ATE1: variants seen among roughly 807,000 people sequenced by gnomAD.
The protein encoded by ATE1 is arginyltransferase 1.
Under a neutral mutation model 70.5 loss-of-function variants are expected in ATE1, and 36 were observed. The observed-to-expected ratio is 0.51, with a 90% confidence interval of 0.39 to 0.67. ATE1 has a LOEUF of 0.67. Among genes scored for constraint, ATE1 ranks in the 30% least tolerant of loss-of-function variants. ATE1 has a pLI of 0.00. For missense variants in ATE1, 593 were observed against 629.5 expected (o/e 0.94, Z 0.62); for synonymous variants, 232 against 219.3 (o/e 1.06, Z -0.51).
chr10:121,889,935 TTA>T (rs1950525405), intron 7 of ATE1, among the ~76,000 whole-genome samples: 1 of 152,224 alleles, frequency 6.6e-6, no homozygotes, highest in Non-Finnish European at 1.5e-5. Context: ...GAGAATATAC[TTA>T]TTCTTAGGAG....
intron 3 of ATE1, among the ~76,000 whole-genome samples, chr10:121,919,395 T>A (rs1951789606): frequency 6.6e-6 from 1 of 151,620 alleles, no homozygotes; most frequent in Non-Finnish European, 1.5e-5. Context: ...CCATCTCTAC[T>A]AAAAATATCA....
At chr10:121,912,877 G>A (rs1951498814) in intron 4 of ATE1, among the ~76,000 whole-genome samples, 1 of 137,140 alleles carries the variant, frequency 7.3e-6, no homozygotes, top group African/African-American at 2.5e-5. Context: ...TGGGACTACG[G>A]GCGTGCACCA....
rs765112117 is a variant in ATE1, at chr10:121,743,806, T to C, written c.1431A>G (p.Arg477=). Residue 477 remains arginine (R), a synonymous_variant, in exon 12 of 12, where the codon AGA becomes AGG. Transcript: ENST00000224652. ...TATAAACACCGTAAGGCATGATGGC[T>C]CTCTTGTGAAACACCTGCAATCGGT... ...EPDRLQVFHK[R]AIMPYGVYKK... is the part of the protein sequence containing the mutation. The C allele has an allele frequency of 2.2e-5, 36 of 1,613,808 alleles. No individual in the cohort carries two copies. The highest frequency in any genetic ancestry group is 4.5e-5 in the East Asian group (2 of 44,880).
intron 11 of ATE1, among the ~76,000 whole-genome samples, chr10:121,783,148 T>C (rs1285930325): frequency 6.6e-6 from 1 of 151,784 alleles, no homozygotes; most frequent in Non-Finnish European, 1.5e-5. Flanking sequence ...AAAATATCCT[T>C]GTGAGGTAGT....
intron 8 of ATE1, among the ~76,000 whole-genome samples, chr10:121,860,458 T>C (rs1370063369): frequency 6.6e-6 from 1 of 152,160 alleles, no homozygotes; most frequent in African/African-American, 2.4e-5. Flanking sequence ...AACAAAGAAA[T>C]GTATTTGTCA....
chr10:121,745,343 C>T (rs980431053), intron 11 of ATE1, among the ~76,000 whole-genome samples: 7 of 151,990 alleles, frequency 4.6e-5, no homozygotes, highest in African/African-American at 1.7e-4. Flanking sequence ...AGCCTGGATC[C>T]CCTCCCCGGA....
At chr10:121,816,011 T>C (rs577464383) in intron 10 of ATE1, among the ~76,000 whole-genome samples, 4 of 152,226 alleles carry the variant, frequency 2.6e-5, no homozygotes, top group Admixed American at 6.5e-5. Flanking sequence ...ATTGATCCTA[T>C]AGAGAATAGC....
intron 11 of ATE1, among the ~76,000 whole-genome samples, chr10:121,778,598 A>G (rs1318873749): frequency 1.2e-5 from 1 of 84,694 alleles, no homozygotes; most frequent in Non-Finnish European, 2.1e-5. Context: ...TTTTTTTGAG[A>G]CATTGTCCTG....
intron 10 of ATE1, among the ~76,000 whole-genome samples, chr10:121,833,481 G>A (rs1436126159): frequency 6.6e-6 from 1 of 152,152 alleles, no homozygotes; most frequent in Non-Finnish European, 1.5e-5. Flanking sequence ...CTCATGGAAT[G>A]TATGCACAGG....
At chr10:121,819,128 T>C (rs1423238279) in intron 10 of ATE1, among the ~76,000 whole-genome samples, 1 of 152,226 alleles carries the variant, frequency 6.6e-6, no homozygotes, top group Non-Finnish European at 1.5e-5. Context: ...TATCAATTCA[T>C]TTTCATTAAC....
intron 11 of ATE1, among the ~76,000 whole-genome samples, chr10:121,780,538 A>C (rs1334424441): frequency 6.6e-6 from 1 of 152,220 alleles, no homozygotes; most frequent in African/African-American, 2.4e-5. Flanking sequence ...GAGTCAAAGA[A>C]CACATCTGCC....
intron 10 of ATE1, among the ~76,000 whole-genome samples, chr10:121,805,602 T>A (rs1040595197): frequency 2.0e-5 from 3 of 152,230 alleles, no homozygotes; most frequent in Admixed American, 2.0e-4. Flanking sequence ...ATGGTACTAA[T>A]ACTTTAAAAT....
upstream of ATE1, chr10:121,928,088 G>T: frequency 8.3e-7 from 1 of 1,209,348 alleles, no homozygotes; most frequent in Non-Finnish European, 1.0e-6. Context: ...AGGCCCGGCC[G>T]GCCCGGCGCC....
intron 7 of ATE1, chr10:121,898,779 G>A: frequency 1.3e-6 from 2 of 1,569,024 alleles, no homozygotes; most frequent in Non-Finnish European, 1.7e-6. Flanking sequence ...ACAAGAAAAT[G>A]GTATATATTA....
rs537126542 is a variant in ATE1 at position 121,881,449 on chromosome 10, T to C, written c.943-11411A>G. ...CCAGAATAAAAAAACAGGACACCTA[T>C]AGCTCCTTTGTCTCCAGTTCTAGGT... On this transcript the variant is annotated intron_variant, in intron 7 of 11. Coordinates refer to ENST00000224652, the MANE Select transcript of ATE1 (RefSeq NM_001001976.3). Among the ~76,000 whole-genome samples, 6 of 152,278 alleles carry C rather than the reference T, an allele frequency of 3.9e-5. No individual in the cohort carries two copies. In the East Asian group the frequency reaches 7.7e-4, roughly 20 times the overall value.
intron 10 of ATE1, among the ~76,000 whole-genome samples, chr10:121,802,877 A>T (rs1392502517): frequency 6.6e-6 from 1 of 152,212 alleles, no homozygotes; most frequent in Admixed American, 6.5e-5. Flanking sequence ...GGGACTTTCT[A>T]GTCCAAAAGG....
At chr10:121,759,596 C>T (rs946032207) in intron 11 of ATE1, among the ~76,000 whole-genome samples, 5 of 152,016 alleles carry the variant, frequency 3.3e-5, no homozygotes, top group Non-Finnish European at 7.4e-5. Flanking sequence ...TGGTGGCGGG[C>T]ACCTGTAGTC....
At chr10:121,791,064 G>GACA (rs1946426498) in intron 10 of ATE1, among the ~76,000 whole-genome samples, 7 of 27,148 alleles carry the variant, frequency 2.6e-4, no homozygotes, top group Non-Finnish European at 5.2e-4. Context: ...ACGTGTGTGT[G>GACA]TGTGTGTGTG....
rs944778966 is a variant in ATE1, at chr10:121,841,256, GTC to G, written c.981_982del (p.Glu327AspfsTer4). ...GCCACAATCTGGCCCATTAGGGGGA[GTC>G]TCTGCCTAAGAAAAAGCAGAGGCAC... On this transcript the variant is annotated frameshift_variant, in exon 9 of 12. Transcript: ENST00000224652. LOFTEE classifies it high-confidence loss of function. The G allele has an allele frequency of 1.3e-6, 2 of 1,490,892 alleles. No individual in the cohort carries two copies. The highest frequency in any genetic ancestry group is 1.8e-6 in the Non-Finnish European group (2 of 1,113,436). The allele number at this position is 1,490,892 out of a possible 1,614,324, so 92.4% of individuals were successfully genotyped here.
Sources: gnomAD v4.1 joint callset for allele counts (sites outside exome capture counted in the v4.1 genomes callset) on GRCh38, gnomAD v4.1.1 for gene constraint, MANE v1.5 for transcripts, NCBI Gene and HGNC (gene_info 2026-07-23, HGNC 2026-07-21) for gene names.